Variants in AARS1 observed in about 807,000 individuals in gnomAD.
AARS1 encodes the protein alanine--tRNA ligase, cytoplasmic.
Under a neutral mutation model 108.9 loss-of-function variants are expected in AARS1, and 72 were observed. That is an observed-to-expected ratio of 0.66 (90% CI 0.55 to 0.80). The LOEUF is 0.80. Among genes scored for constraint, AARS1 ranks in the 30% least tolerant of loss-of-function variants. The probability of loss-of-function intolerance (pLI) is 0.00; values close to 1 mark genes in which losing one functional copy is unlikely to be tolerated. For missense variants in AARS1, 1,193 were observed against 1,233.2 expected, an observed-to-expected ratio of 0.97 and a Z score of 0.49; for synonymous variants, 489 against 465.7, an observed-to-expected ratio of 1.05 and a Z score of -0.64.
Position 70,262,497 on chromosome 16 carries a change from A to G in AARS1, c.1520T>C (p.Met507Thr). Reference protein sequence around the residue: ...YVFENTVATVMALRREKMFVE... With the variant: ...YVFENTVATVTALRREKMFVE... ...GAACATCTTCTCCCTGCGCAGAGCC[A>G]TCACCGTAGCCACTGTGTTCTCAAA... is the stretch of plus-strand genomic sequence containing the variant. Residue 507 changes from methionine to threonine, a missense_variant, in exon 12 of 21, where the codon ATG becomes ACG. Coordinates refer to ENST00000261772, the MANE Select transcript of AARS1 (RefSeq NM_001605.3). 1 of 1,613,900 alleles carries G rather than the reference A, an allele frequency of 6.2e-7. No individual in the cohort carries two copies.
intron 2 of AARS1, among the ~76,000 whole-genome samples, chr16:70,277,370 C>A (rs1960575483): frequency 6.6e-6 from 1 of 152,122 alleles, no homozygotes; most frequent in African/African-American, 2.4e-5. Context: ...CCCTAACAGT[C>A]CCCACCACCA....
chr16:70,255,253 GCA>G (rs2152151373), intron 16 of AARS1, among the ~76,000 whole-genome samples: 1 of 136,392 alleles, frequency 7.3e-6, no homozygotes, highest in African/African-American at 2.8e-5. Flanking sequence ...AAGCTGGAAC[GCA>G]GTGGTGCGAT....
rs1447355065 is a variant in AARS1, at chr16:70,261,116, C to A, written c.1713G>T (p.Gly571=). 6.2e-7 allele frequency: 1 copy of A among 1,613,738 alleles called. No homozygotes were observed. ...FTVKNAQVRG[G]YVLHIGTIYG... ...AGATGGTTCCAATGTGTAGCACATA[C>A]CCTCCTCGGACCTGAGCATTCTTCA... is the stretch of plus-strand genomic sequence containing the variant. Residue 571 remains glycine, a synonymous_variant, in exon 13 of 21, where the codon GGG becomes GGT. Coordinates refer to ENST00000261772, the MANE Select transcript of AARS1 (RefSeq NM_001605.3).
At chr16:70,277,815 C>G (rs1293082120) in intron 2 of AARS1, among the ~76,000 whole-genome samples, 2 of 150,126 alleles carry the variant, frequency 1.3e-5, no homozygotes, top group African/African-American at 2.5e-5. Context: ...TACAGTGGCA[C>G]AATCTCAGGT....
chr16:70,264,731 A>ATTT (rs113142906), intron 11 of AARS1, among the ~76,000 whole-genome samples: 3 of 147,738 alleles, frequency 2.0e-5, no homozygotes, highest in African/African-American at 7.4e-5. Context: ...CTTCCTACAA[A>ATTT]TTTTTTTTTT....
At chr16:70,277,481 G>A (rs1960577428) in intron 2 of AARS1, among the ~76,000 whole-genome samples, 1 of 152,110 alleles carries the variant, frequency 6.6e-6, no homozygotes, top group Admixed American at 6.6e-5. Flanking sequence ...GAAGTTCAGG[G>A]CTTATACCAT....
rs71385651 is a variant in AARS1, at chr16:70,273,863, CAAAAAAA to C, written c.480-1898_480-1892del. Among the ~76,000 whole-genome samples the C allele has an allele frequency of 1.8e-3, 95 of 54,240 alleles. 1 individual carries two copies. The highest frequency in any genetic ancestry group is 0.013 in the Middle Eastern group (1 of 76). The allele number at this position is 54,240 out of a possible 152,430, so 35.6% of individuals were successfully genotyped here. A position where few individuals can be genotyped will look rare whatever the true frequency, so the allele number is the denominator to read the frequency against. ...GGGCGACAGAGCGGGACTCCGTCTCCAAAAAAAAAAAAAAAAAAAAAAAAATTAGCCA... is the reference window on the plus strand; with the variant it reads ...GGGCGACAGAGCGGGACTCCGTCTCCAAAAAAAAAAAAAAAAAATTAGCCA... On this transcript the variant is annotated intron_variant, in intron 4 of 20. Transcript: ENST00000261772.
intron 2 of AARS1, among the ~76,000 whole-genome samples, chr16:70,279,112 G>T (rs957988380): frequency 2.6e-5 from 4 of 152,100 alleles, no homozygotes; most frequent in Non-Finnish European, 5.9e-5. Context: ...AGCACTTTGT[G>T]GGGCCGAACC....
At chr16:70,267,919 C>T (rs754611640) in intron 8 of AARS1, 110 bp from the exon 9 acceptor site, 18 of 1,498,332 alleles carry the variant, frequency 1.2e-5, no homozygotes, top group Middle Eastern at 2.1e-4. Context: ...TGTAATCCTA[C>T]CACTTTGGGA....
At position 70,277,274 on chromosome 16, in the gene AARS1, A is replaced by G. The variant is rs1597446314; in HGVS notation, c.145-120T>C. On this transcript the variant is annotated intron_variant, in intron 2 of 20. Coordinates refer to ENST00000261772, the MANE Select transcript of AARS1 (RefSeq NM_001605.3). The stretch of plus-strand genomic sequence containing the variant: ...GCAGTTCATGATTAACATGCCTGGA[A>G]TATAGACACTTGTCAGAACAGGTGG... 16 of 1,084,020 alleles carry G rather than the reference A, an allele frequency of 1.5e-5. No homozygotes were observed. The East Asian group carries it at 3.8e-4, about 26-fold the overall frequency. The allele number at this position is 1,084,020 out of a possible 1,614,324, so 67.2% of individuals were successfully genotyped here.
Position 70,269,638 on chromosome 16 carries a change from C to A in AARS1, c.942G>T (p.Arg314=), listed in dbSNP as rs1485304973. The A allele has an allele frequency of 6.2e-7, 1 of 1,614,150 alleles. No homozygotes were observed. The highest frequency in any genetic ancestry group is 1.3e-5 in the African/African-American group (1 of 75,072). Residue 314 remains arginine (R), a synonymous_variant, in exon 7 of 21, where the codon CGG becomes CGT. Transcript: ENST00000261772. ...TITVALADGG[R]PDNTGRGYVL... is the part of the protein sequence containing the mutation. ...CTTACCCACGCCCTGTGTTGTCAGG[C>A]CGGCCACCATCAGCCAGTGCCACAG...
rs80256286 is a variant in AARS1, at chr16:70,264,654, A to G, written c.1492+304T>C. Among the ~76,000 whole-genome samples the G allele has an allele frequency of 0.071, 10,870 of 152,108 alleles. 1,308 individuals carry two copies. Among genetic ancestry groups the G allele is most frequent in the African/African-American group, 0.25 (10,262 of 41,434 alleles). On this transcript the variant is annotated intron_variant, in intron 11 of 20. Transcript: ENST00000261772. ...CTGATAGTCACTGTGGATTGTATCA[A>G]TGTCAATTGCCCAGTTTCCTGCATG...
At chr16:70,286,566 G>T (rs904612518) in intron 1 of AARS1, among the ~76,000 whole-genome samples, 9 of 152,038 alleles carry the variant, frequency 5.9e-5, no homozygotes, top group African/African-American at 2.2e-4. Context: ...GGCCGGGTAG[G>T]GTGGCTCACG....
chr16:70,258,065 G>C lies in AARS1; in HGVS notation c.2145C>G (p.Gly715=). 1.2e-6 allele frequency: 2 copies of C among 1,614,148 alleles called. No homozygotes were observed. Among genetic ancestry groups the C allele is most frequent in the Non-Finnish European group, 1.7e-6 (2 of 1,180,036 alleles). ...CACAGAACTCAACAGAAGTCAGGGA[G>C]CCAGCAGGCCCAGAGGGGTCATCCA... ...ELLDDPSGPA[G]SLTSVEFCGG... The change falls in exon 15 of 21, where the codon GGC becomes GGG. Residue 715 remains glycine (G), a synonymous_variant. Transcript: ENST00000261772.
At chr16:70,285,783 T>C (rs951405236) in intron 1 of AARS1, among the ~76,000 whole-genome samples, 1 of 152,132 alleles carries the variant, frequency 6.6e-6, no homozygotes, top group Non-Finnish European at 1.5e-5. Context: ...AGTATTGCCA[T>C]GCTGCCCACG....
chr16:70,276,106 T>A (rs1427812232), intron 4 of AARS1: 1 of 158,786 alleles, frequency 6.3e-6, no homozygotes, highest in South Asian at 1.7e-4. Context: ...TCCCAGCTAC[T>A]TGGGAGGCTG....
rs1281627517 is a variant in AARS1, at chr16:70,269,500, C to T, written c.962+118G>A. The T allele has an allele frequency of 2.7e-6, 4 of 1,459,286 alleles. No homozygotes were observed. The African/African-American group carries it at 5.6e-5, about 20-fold the overall frequency. 90.4% of individuals were successfully genotyped at this position (1,459,286 alleles called of 1,614,324 possible). A position where few individuals can be genotyped will look rare whatever the true frequency, so the allele number is the denominator to read the frequency against. ...AGTGAGGCAAGATCACGCCATTGTA[C>T]TCCAGCCTGGGCAACAGAGCAACAC... On this transcript the variant is annotated intron_variant, in intron 7 of 20. Coordinates refer to ENST00000261772, the MANE Select transcript of AARS1 (RefSeq NM_001605.3).
At chr16:70,257,264 C>T (rs1960014354) in intron 15 of AARS1, among the ~76,000 whole-genome samples, 1 of 151,270 alleles carries the variant, frequency 6.6e-6, no homozygotes, top group Non-Finnish European at 1.5e-5. Context: ...AAAGAATGTT[C>T]TCTTCATGGC....
intron 15 of AARS1, among the ~76,000 whole-genome samples, chr16:70,256,688 C>A (rs1959999650): frequency 6.6e-6 from 1 of 152,132 alleles, no homozygotes; most frequent in African/African-American, 2.4e-5. Flanking sequence ...CGTTTGAAGG[C>A]CCAATTCAGC....
Sources: gnomAD v4.1 joint callset for allele counts (sites outside exome capture counted in the v4.1 genomes callset) on GRCh38, gnomAD v4.1.1 for gene constraint, MANE v1.5 for transcripts, NCBI Gene and HGNC (gene_info 2026-07-23, HGNC 2026-07-21) for gene names.